Variants in UNC13D observed in about 807,000 individuals in gnomAD.
UNC13D encodes unc-13 homolog D, also known as protein unc-13 homolog D.
A neutral mutation model predicts 151.7 loss-of-function variants in UNC13D; 115 were observed. The ratio of observed to expected loss-of-function variants is 0.76; its 90% CI spans 0.65 to 0.88. The LOEUF (loss-of-function observed/expected upper bound fraction) is 0.88. UNC13D is among the 40% of genes least tolerant of loss of function. UNC13D has a pLI of 0.00. For synonymous variants in UNC13D, 588 were observed against 612.2 expected, an observed-to-expected ratio of 0.96 and a Z score of 0.58; for missense variants, 1,369 against 1,438.7, an observed-to-expected ratio of 0.95 and a Z score of 0.78.
chr17:75,837,403 A>G (rs2064916772), intron 12 of UNC13D, among the ~76,000 whole-genome samples: 1 of 151,544 alleles, frequency 6.6e-6, no homozygotes, highest in African/African-American at 2.4e-5. Context: ...TGCTTTTCAA[A>G]TTGCCCAGAT....
rs1285816094 is a variant in UNC13D at position 75,834,455 on chromosome 17, G to A, written c.2168C>T (p.Ala723Val). The change falls in exon 23 of 32, where the codon GCC becomes GTC. Residue 723 changes from alanine (A) to valine (V), a missense_variant. By Grantham distance (64) the Ala-to-Val change is moderately conservative. Transcript: ENST00000207549. The part of the protein sequence containing the change: ...GKLPAQLAWE[A>V]LEQRVGAVLE... ...CACGGCCCCTACCCGCTGCTCCAGG[G>A]CCTCCCATGCCAGCTGGGCGGGCAA... The A allele has an allele frequency of 6.4e-7, 1 of 1,563,888 alleles. No individual in the cohort carries two copies. The highest frequency in any genetic ancestry group is 1.9e-5 in the Admixed American group (1 of 52,908).
At chr17:75,836,173 T>C (rs750766139) in intron 16 of UNC13D, 27 bp downstream of exon 16, 6 of 940,310 alleles carry the variant, frequency 6.4e-6, no homozygotes, top group South Asian at 1.3e-5. Flanking sequence ...CGTGACCCCC[T>C]GCCCTCCCCC....
intron 6 of UNC13D, 58 bp from the exon 7 acceptor site, chr17:75,841,059 G>GC: frequency 6.3e-7 from 1 of 1,596,460 alleles, no homozygotes; most frequent in Non-Finnish European, 8.6e-7. Flanking sequence ...CCCAGACGAA[G>GC]CAGTAAGTGA....
At chr17:75,828,429 T>C (rs1466150858) in intron 31 of UNC13D, among the ~76,000 whole-genome samples, 1 of 152,218 alleles carries the variant, frequency 6.6e-6, no homozygotes, top group East Asian at 1.9e-4. Context: ...AGTGCTAATA[T>C]CTGCTTCGTT....
At chr17:75,831,003 G>A in intron 27 of UNC13D, 95 bp downstream of exon 27, 1 of 1,418,944 alleles carries the variant, frequency 7.0e-7, no homozygotes, top group Non-Finnish European at 9.8e-7. Flanking sequence ...TTTGTACTGG[G>A]CCCCATAAAT....
Position 75,842,849 on chromosome 17 carries a change from A to G in UNC13D, c.388+8T>C, listed in dbSNP as rs534265662. 1.2e-4 allele frequency: 189 copies of G among 1,613,082 alleles called. 1 individual carries two copies. The highest frequency in any genetic ancestry group is 2.4e-5 in the Non-Finnish European group (28 of 1,179,850). On this transcript the variant is annotated splice_region_variant and intron_variant, in intron 5 of 31. Transcript: ENST00000207549. ...AGAAGCCCCTTGGGGACCCCACCCC[A>G]TGCTCACCACTGACATCTTTGCCCA... is the stretch of plus-strand genomic sequence containing the variant.
intron 1 of UNC13D, chr17:75,843,751 C>T (rs1161443065): frequency 7.0e-7 from 1 of 1,423,146 alleles, no homozygotes; most frequent in Admixed American, 2.8e-5. Flanking sequence ...GCCCTCCGCA[C>T]CCGCACCCCA....
chr17:75,837,702 T>C (rs1484279950), intron 12 of UNC13D, among the ~76,000 whole-genome samples: 1 of 148,192 alleles, frequency 6.7e-6, no homozygotes, highest in African/African-American at 2.5e-5. Context: ...TGCAGTGAGC[T>C]GAGATTGTGC....
chr17:75,843,225 G>C lies in UNC13D; in HGVS notation c.195C>G (p.His65Gln). Residue 65 changes from histidine to glutamine, a missense_variant, in exon 3 of 32, where the codon CAC becomes CAG. His to Gln is a conservative substitution (Grantham distance 24). Coordinates refer to ENST00000207549, the MANE Select transcript of UNC13D (RefSeq NM_199242.3). ...LYEDALYTVLHRLGHPEPNHV... is the reference protein window; with the variant it reads ...LYEDALYTVLQRLGHPEPNHV... Reference sequence around the variant, plus strand: ...GGTTGGGCTCAGGATGACCCAGGCGGTGCAAGACAGTGTAGAGTGCGTCCT... The same window carrying C: ...GGTTGGGCTCAGGATGACCCAGGCGCTGCAAGACAGTGTAGAGTGCGTCCT... The C allele has an allele frequency of 5.0e-6, 8 of 1,611,148 alleles. No homozygotes were observed. The highest frequency in any genetic ancestry group is 5.9e-6 in the Non-Finnish European group (7 of 1,179,960).
At chr17:75,841,060 C>CCG in intron 6 of UNC13D, 59 bp from the exon 7 acceptor site, 1 of 1,605,090 alleles carries the variant, frequency 6.2e-7, no homozygotes, top group Non-Finnish European at 8.5e-7. Flanking sequence ...CCAGACGAAG[C>CCG]AGTAAGTGAC....
intron 12 of UNC13D, among the ~76,000 whole-genome samples, chr17:75,838,909 G>A (rs1295579429): frequency 6.6e-6 from 1 of 151,944 alleles, no homozygotes; most frequent in Non-Finnish European, 1.5e-5. Flanking sequence ...GACCATCCTG[G>A]CTAACACGGT....
rs777727362 is a variant in UNC13D, at chr17:75,840,862, A to G, written c.615-32T>C. 31 of 1,613,942 alleles carry G rather than the reference A, an allele frequency of 1.9e-5. No individual in the cohort carries two copies. The highest frequency in any genetic ancestry group is 2.6e-5 in the Non-Finnish European group (31 of 1,180,000). On this transcript the variant is annotated intron_variant, in intron 7 of 31. Transcript: ENST00000207549. The surrounding 1 kb of genome is among the most constrained non-coding windows in gnomAD (Gnocchi z 4.6). ...GGACAGAGGTTTGAGAAGGAAGCAGAGAGAGTGCCTACGACCTCTTCCAGG... is the reference window on the plus strand; with the variant it reads ...GGACAGAGGTTTGAGAAGGAAGCAGGGAGAGTGCCTACGACCTCTTCCAGG...
At chr17:75,841,046 GC>G (rs970688389) in intron 6 of UNC13D, 45 bp from the exon 7 acceptor site, 9 of 1,610,300 alleles carry the variant, frequency 5.6e-6, no homozygotes, top group Non-Finnish European at 7.6e-6. Flanking sequence ...GAGGGTGGAT[GC>G]CCCCAGACGA....
At chr17:75,835,332 C>G (rs752825078) in intron 20 of UNC13D, 77 bp downstream of exon 20, 1 of 1,567,068 alleles carries the variant, frequency 6.4e-7, no homozygotes, top group East Asian at 2.3e-5. Context: ...GCTTTTACTA[C>G]GCTTTGGAGG....
Position 75,832,961 on chromosome 17 carries a change from C to T in UNC13D, c.2447+5G>A, listed in dbSNP as rs1057051362. ...AGCGCGCCCAGGGCAGGGGCTGCTA[C>T]AGACCTGCTGAAGTTCTCCTGCACC... On this transcript the variant is annotated splice_donor_5th_base_variant and intron_variant, in intron 25 of 31. Transcript: ENST00000207549. The surrounding 1 kb of genome is among the most constrained non-coding windows in gnomAD (Gnocchi z 4.3). 2.9e-5 allele frequency: 45 copies of T among 1,578,332 alleles called. No individual in the cohort carries two copies. The highest frequency in any genetic ancestry group is 3.7e-5 in the Non-Finnish European group (43 of 1,162,234).
rs535553325 is a variant in UNC13D at position 75,827,419 on chromosome 17, G to A, written c.*546C>T. The stretch of plus-strand genomic sequence containing the variant: ...AGAGCCAGAAGGTTCTTGGCTCCAG[G>A]CTTCCTGGCCTGGATGCTGGCAGCC... On this transcript the variant is annotated 3_prime_UTR_variant, in exon 32 of 32. Coordinates refer to ENST00000207549, the MANE Select transcript of UNC13D (RefSeq NM_199242.3). The A allele has an allele frequency of 5.0e-5, 71 of 1,414,010 alleles. 1 individual carries two copies. In the South Asian group the frequency reaches 1.1e-3, roughly 21 times the overall value. 87.6% of individuals were successfully genotyped at this position (1,414,010 alleles called of 1,614,324 possible).
chr17:75,834,873 G>T, intron 21 of UNC13D, 47 bp downstream of exon 21: 1 of 1,613,634 alleles, frequency 6.2e-7, no homozygotes, highest in South Asian at 1.1e-5. Context: ...GGGTGGTAGT[G>T]TGGCTGTTCT....
intron 6 of UNC13D, among the ~76,000 whole-genome samples, chr17:75,841,949 G>C (rs908439257): frequency 6.6e-6 from 1 of 151,538 alleles, no homozygotes; most frequent in African/African-American, 2.4e-5. Flanking sequence ...GGGTTTCACC[G>C]TGTTAGCCAG....
Position 75,844,240 on chromosome 17 carries a change from G to A in UNC13D, c.98C>T (p.Pro33Leu), listed in dbSNP as rs140437526. Reference sequence around the variant, plus strand: ...TCCTACCTCCGGGGCCATTTGGGGCGGGGGATCCTGTAGATCTCTGACTCT... The same window carrying A: ...TCCTACCTCCGGGGCCATTTGGGGCAGGGGATCCTGTAGATCTCTGACTCT... ...RRRVRDLQDP[P>L]PQMAPEIQPP... The change falls in exon 1 of 32, where the codon CCG becomes CTG. Residue 33 changes from proline (P) to leucine (L), a missense_variant. Transcript: ENST00000207549. 43 of 1,612,108 alleles carry A rather than the reference G, an allele frequency of 2.7e-5. No homozygotes were observed. Among genetic ancestry groups the A allele is most frequent in the Middle Eastern group, 3.3e-4 (2 of 6,056 alleles).
Sources: allele counts gnomAD v4.1 joint callset (sites outside exome capture counted in the v4.1 genomes callset), GRCh38; gene constraint gnomAD v4.1.1; non-coding constraint Gnocchi (gnomAD v3.1); transcripts MANE v1.5; gene names NCBI Gene and HGNC (gene_info 2026-07-23, HGNC 2026-07-21).